MGAT4C: variants seen among roughly 807,000 people sequenced by gnomAD.
MGAT4C encodes MGAT4 family member C.
Under a neutral mutation model 40.1 loss-of-function variants are expected in MGAT4C, and 19 were observed. That is an observed-to-expected ratio of 0.47 (90% CI 0.33 to 0.70). The LOEUF (loss-of-function observed/expected upper bound fraction) is 0.70, where lower values mean the gene tolerates loss of function less well. MGAT4C is among the 30% of genes least tolerant of loss of function. MGAT4C has a pLI of 0.02. For missense variants in MGAT4C, 491 were observed against 563.2 expected (o/e 0.87, Z 1.30); for synonymous variants, 181 against 187.1 (o/e 0.97, Z 0.27).
intron 2 of MGAT4C, among the ~76,000 whole-genome samples, chr12:86,725,932 T>C (rs951381191): frequency 6.6e-6 from 1 of 152,212 alleles, no homozygotes; most frequent in Non-Finnish European, 1.5e-5. Context: ...CCTAGACTTT[T>C]AGGAATTAAC....
At chr12:86,175,371 T>TTTTA (rs1214516204) in intron 1 of MGAT4C, among the ~76,000 whole-genome samples, 1 of 152,190 alleles carries the variant, frequency 6.6e-6, no homozygotes, top group Non-Finnish European at 1.5e-5. Context: ...CAAACATTGC[T>TTTTA]TTTACATCCT....
rs1331172373 is a variant in MGAT4C, at chr12:86,628,487, A to C, written c.-229+98722T>G. 2.6e-5 allele frequency among the ~76,000 whole-genome samples: 4 copies of C among 152,128 alleles called. No individual in the cohort carries two copies. The South Asian group carries it at 8.3e-4, about 32-fold the overall frequency. The stretch of plus-strand genomic sequence containing the variant: ...AAATGAAGGAAAAAATGTTAAGGGT[A>C]GTCAGAGAGAAAGGTCGGGTTACAC... On this transcript the variant is annotated intron_variant, in intron 2 of 7. Coordinates refer to the MGAT4C transcript ENST00000548651.
At chr12:86,266,519 T>C (rs1952791291) in intron 4 of MGAT4C, among the ~76,000 whole-genome samples, 1 of 152,188 alleles carries the variant, frequency 6.6e-6, no homozygotes, top group African/African-American at 2.4e-5. Flanking sequence ...CTTTTTGATA[T>C]GCTGTTGTAT....
intron 2 of MGAT4C, chr12:86,015,630 G>A (rs960441798): frequency 3.3e-5 from 5 of 152,210 alleles, no homozygotes; most frequent in Admixed American, 3.3e-4. Flanking sequence ...AATAACTGGA[G>A]GAAGAAATAG....
At chr12:86,735,068 A>G (rs1043988019) in intron 1 of MGAT4C, among the ~76,000 whole-genome samples, 1 of 152,040 alleles carries the variant, frequency 6.6e-6, no homozygotes, top group Non-Finnish European at 1.5e-5. Context: ...GGTTCTCTAC[A>G]TAAACTGTAG....
intron 2 of MGAT4C, among the ~76,000 whole-genome samples, chr12:86,619,445 C>T (rs1327609779): frequency 2.0e-5 from 3 of 152,086 alleles, no homozygotes; most frequent in Non-Finnish European, 4.4e-5. Flanking sequence ...TGCACCTCCA[C>T]ATAATTCTGA....
chr12:86,207,598 C>A (rs1039726399), intron 1 of MGAT4C, among the ~76,000 whole-genome samples: 34 of 151,708 alleles, frequency 2.2e-4, no homozygotes, highest in Admixed American at 2.2e-3. Flanking sequence ...ACAGCATGAA[C>A]AAGAATAAAA....
At chr12:86,251,169 T>G (rs1476823365) in intron 1 of MGAT4C, among the ~76,000 whole-genome samples, 1 of 148,792 alleles carries the variant, frequency 6.7e-6, no homozygotes, top group East Asian at 2.0e-4. Flanking sequence ...GCATGAAGAC[T>G]GAAAAGGGTG....
chr12:86,655,506 A>C (rs1242062341), intron 2 of MGAT4C, among the ~76,000 whole-genome samples: 2 of 152,034 alleles, frequency 1.3e-5, no homozygotes, highest in Non-Finnish European at 2.9e-5. Context: ...TCCTTTACAC[A>C]AATACTATGC....
chr12:86,603,054 T>G (rs898557216), intron 2 of MGAT4C, among the ~76,000 whole-genome samples: 7 of 151,622 alleles, frequency 4.6e-5, no homozygotes, highest in Admixed American at 4.0e-4. Flanking sequence ...TGGAGGAATC[T>G]AAACCAGTGA....
chr12:86,119,759 T>C (rs1879071197), intron 1 of MGAT4C, among the ~76,000 whole-genome samples: 1 of 149,886 alleles, frequency 6.7e-6, no homozygotes, highest in Admixed American at 6.7e-5. Flanking sequence ...AATAGGAGTC[T>C]TGCTATATTG....
intron 2 of MGAT4C, among the ~76,000 whole-genome samples, chr12:86,650,600 T>C (rs1370460868): frequency 6.6e-6 from 1 of 151,894 alleles, no homozygotes; most frequent in Non-Finnish European, 1.5e-5. Context: ...ATGATTCTCT[T>C]GCCCTCTAGT....
At position 86,432,061 on chromosome 12, in the gene MGAT4C, A is replaced by G. The variant is rs571145947; in HGVS notation, c.-120+3096T>C. ...AGCTACCAAAGAAACAGGAAGAGAA[A>G]AGAAACAAAACAAAGTTAGGAGAGT... On this transcript the variant is annotated intron_variant, in intron 3 of 7. Coordinates refer to the MGAT4C transcript ENST00000548651. Among the ~76,000 whole-genome samples the G allele has an allele frequency of 6.6e-5, 10 of 152,240 alleles. No homozygotes were observed. In the East Asian group the frequency reaches 1.7e-3, roughly 27 times the overall value.
intron 2 of MGAT4C, among the ~76,000 whole-genome samples, chr12:86,005,502 G>A (rs1887780812): frequency 6.6e-6 from 1 of 152,116 alleles, no homozygotes; most frequent in South Asian, 2.1e-4. Flanking sequence ...TTTTTACAAA[G>A]CTATCTTGAA....
intron 2 of MGAT4C, among the ~76,000 whole-genome samples, chr12:86,564,217 A>G (rs1427016286): frequency 2.0e-5 from 3 of 152,204 alleles, no homozygotes; most frequent in African/African-American, 7.2e-5. Flanking sequence ...CTCCAATTGC[A>G]GCTGCTGTAG....
At chr12:86,661,436 T>A (rs908872795) in intron 2 of MGAT4C, among the ~76,000 whole-genome samples, 2 of 152,076 alleles carry the variant, frequency 1.3e-5, no homozygotes, top group Admixed American at 6.5e-5. Flanking sequence ...TGTCATAAGG[T>A]AAAATATAAA....
intron 2 of MGAT4C, among the ~76,000 whole-genome samples, chr12:86,004,649 G>T (rs1887688162): frequency 6.6e-6 from 1 of 152,108 alleles, no homozygotes; most frequent in African/African-American, 2.4e-5. Flanking sequence ...AGAATTATTT[G>T]TTCTGATGGA....
Position 86,041,414 on chromosome 12 carries a change from G to C in MGAT4C, c.-7+8260C>G, listed in dbSNP as rs532236083. Among the ~76,000 whole-genome samples the C allele has an allele frequency of 2.6e-5, 4 of 152,070 alleles. No individual in the cohort carries two copies. The East Asian group carries it at 7.7e-4, about 29-fold the overall frequency. On this transcript the variant is annotated intron_variant, in intron 2 of 4. Transcript: ENST00000611864. ...GCAGTTCCCCTAGGTCTGATGTTAT[G>C]TTATTAATTTTAAATCTTTCTAACT...
chr12:86,832,554 G>A (rs1952951127), intron 1 of MGAT4C, among the ~76,000 whole-genome samples: 2 of 151,702 alleles, frequency 1.3e-5, no homozygotes, highest in African/African-American at 4.8e-5. Flanking sequence ...ACCTAAACCT[G>A]TAAATAAGAT....
Sources: allele counts gnomAD v4.1 joint callset (sites outside exome capture counted in the v4.1 genomes callset), GRCh38; gene constraint gnomAD v4.1.1; transcripts MANE v1.5; gene names NCBI Gene and HGNC (gene_info 2026-07-23, HGNC 2026-07-21).